Variants in GABRB1 observed in about 807,000 individuals in gnomAD.
GABRB1 encodes the protein gamma-aminobutyric acid type A receptor subunit beta1.
GABRB1 carries 17 observed loss-of-function variants against 51.6 expected under a neutral mutation model. That is an observed-to-expected ratio of 0.33 (90% CI 0.23 to 0.49). The LOEUF is 0.49. Among genes scored for constraint, GABRB1 ranks in the 20% least tolerant of loss-of-function variants. GABRB1 has a pLI of 0.99. For missense variants in GABRB1, 410 were observed against 600.6 expected, an observed-to-expected ratio of 0.68 and a Z score of 3.32; for synonymous variants, 247 against 218.9, an observed-to-expected ratio of 1.13 and a Z score of -1.14.
intron 3 of GABRB1, among the ~76,000 whole-genome samples, chr4:47,108,149 C>T (rs1351111857): frequency 3.3e-5 from 5 of 152,034 alleles, no homozygotes; most frequent in Non-Finnish European, 5.9e-5. Flanking sequence ...CTACCACCCA[C>T]AATCGGAATC....
chr4:47,106,894 G>C (rs572066913), intron 3 of GABRB1, among the ~76,000 whole-genome samples: 15 of 152,172 alleles, frequency 9.9e-5, no homozygotes, highest in Admixed American at 2.6e-4. Flanking sequence ...GCCTAGCCCT[G>C]TTCTGAACAG....
At chr4:47,032,605 G>A in intron 3 of GABRB1, 121 bp downstream of exon 3, 2 of 930,384 alleles carry the variant, frequency 2.1e-6, no homozygotes, top group East Asian at 2.5e-5. Context: ...GTCCCACTCC[G>A]CACCCGCTCC....
chr4:47,311,262 A>AC (rs61228119), intron 4 of GABRB1, among the ~76,000 whole-genome samples: 1 of 150,138 alleles, frequency 6.7e-6, no homozygotes, highest in Admixed American at 6.6e-5. Flanking sequence ...AACAACAACA[A>AC]AATACCAAGC....
At chr4:47,001,181 C>G (rs933311822) in intron 1 of GABRB1, among the ~76,000 whole-genome samples, 2 of 152,058 alleles carry the variant, frequency 1.3e-5, no homozygotes, top group African/African-American at 4.8e-5. Context: ...CTCGCTCTGT[C>G]GCCCAGGCTG....
At chr4:47,171,305 A>AG (rs1718426835) in intron 4 of GABRB1, among the ~76,000 whole-genome samples, 1 of 152,094 alleles carries the variant, frequency 6.6e-6, no homozygotes, top group Non-Finnish European at 1.5e-5. Context: ...AAAGAATGTA[A>AG]GAAAAAAAGG....
At chr4:47,271,049 A>G (rs1722856988) in intron 4 of GABRB1, among the ~76,000 whole-genome samples, 1 of 152,204 alleles carries the variant, frequency 6.6e-6, no homozygotes, top group East Asian at 1.9e-4. Context: ...ATCAAGTTGA[A>G]AATATAAAAT....
At chr4:47,235,474 G>A (rs903204547) in intron 4 of GABRB1, among the ~76,000 whole-genome samples, 1 of 151,948 alleles carries the variant, frequency 6.6e-6, no homozygotes, top group Non-Finnish European at 1.5e-5. Context: ...GCTTGAACCA[G>A]GGAGTCAGAC....
intron 3 of GABRB1, among the ~76,000 whole-genome samples, chr4:47,151,722 T>C (rs1158892982): frequency 1.3e-5 from 2 of 152,022 alleles, no homozygotes; most frequent in Non-Finnish European, 2.9e-5. Context: ...TTACAGAAAA[T>C]CTATTGTGTC....
chr4:47,216,762 C>T (rs1279799345), intron 4 of GABRB1, among the ~76,000 whole-genome samples: 3 of 151,876 alleles, frequency 2.0e-5, no homozygotes, highest in Non-Finnish European at 4.4e-5. Flanking sequence ...ATCTTGCATG[C>T]ATAGCGAAGT....
intron 5 of GABRB1, among the ~76,000 whole-genome samples, chr4:47,394,974 A>T (rs1353639722): frequency 1.3e-5 from 2 of 152,168 alleles, no homozygotes; most frequent in Non-Finnish European, 2.9e-5. Context: ...TGAGTTAAGT[A>T]GACAGACATA....
chr4:47,243,238 G>C lies in GABRB1; in HGVS notation c.462-76889G>C, dbSNP rs536393396. ...TCTGAGGGCTCTGCTCTGTTCCATTGGTCTATATCTCTGTTTTGGTAAAAA... is the reference window on the plus strand; with the variant it reads ...TCTGAGGGCTCTGCTCTGTTCCATTCGTCTATATCTCTGTTTTGGTAAAAA... On this transcript the variant is annotated intron_variant, in intron 4 of 8. Transcript: ENST00000295454. Among the ~76,000 whole-genome samples, 5 of 152,220 alleles carry C rather than the reference G, an allele frequency of 3.3e-5. No individual in the cohort carries two copies. In the South Asian group the frequency reaches 1.0e-3, roughly 32 times the overall value.
intron 3 of GABRB1, among the ~76,000 whole-genome samples, chr4:47,108,838 T>C (rs919988049): frequency 3.3e-5 from 5 of 151,998 alleles, no homozygotes; most frequent in African/African-American, 4.8e-5. Context: ...AAACAGATCA[T>C]GGAGAAAATA....
intron 4 of GABRB1, among the ~76,000 whole-genome samples, chr4:47,293,295 T>A (rs947630266): frequency 2.6e-5 from 4 of 152,004 alleles, no homozygotes; most frequent in Non-Finnish European, 5.9e-5. Context: ...GCATGTGCCA[T>A]AATGCTTGGC....
intron 4 of GABRB1, among the ~76,000 whole-genome samples, chr4:47,288,517 C>G (rs949516125): frequency 2.6e-5 from 4 of 152,106 alleles, no homozygotes; most frequent in African/African-American, 9.7e-5. Context: ...CCGCCTCAGC[C>G]TCCCAAAATG....
intron 5 of GABRB1, among the ~76,000 whole-genome samples, chr4:47,323,883 G>T (rs911961806): frequency 2.6e-5 from 4 of 152,148 alleles, no homozygotes; most frequent in Admixed American, 6.5e-5. Flanking sequence ...TAGCTCTGTA[G>T]CCCTGGGATG....
intron 3 of GABRB1, among the ~76,000 whole-genome samples, chr4:47,132,425 T>C (rs1206695259): frequency 1.7e-5 from 1 of 59,756 alleles, no homozygotes; most frequent in Non-Finnish European, 3.7e-5. Flanking sequence ...TGGTTTGGTT[T>C]GGTTTGGTTT....
At chr4:47,031,859 T>C in intron 1 of GABRB1, 55 bp from the exon 2 acceptor site, 3 of 1,547,970 alleles carry the variant, frequency 1.9e-6, no homozygotes, top group Non-Finnish European at 1.8e-6. Context: ...TATCTTTTTA[T>C]ATGTGCTCAC....
At chr4:47,342,386 G>A (rs962156074) in intron 5 of GABRB1, among the ~76,000 whole-genome samples, 1 of 131,616 alleles carries the variant, frequency 7.6e-6, no homozygotes, top group African/African-American at 2.7e-5. Context: ...AAAGACATGA[G>A]GCACCCCACA....
intron 3 of GABRB1, among the ~76,000 whole-genome samples, chr4:47,116,710 T>C (rs911140518): frequency 3.3e-5 from 5 of 152,178 alleles, no homozygotes; most frequent in Non-Finnish European, 7.3e-5. Context: ...GTACTTTTCT[T>C]TGGGCAAGTG....
Sources: allele counts gnomAD v4.1 joint callset (sites outside exome capture counted in the v4.1 genomes callset), GRCh38; gene constraint gnomAD v4.1.1; transcripts MANE v1.5; gene names NCBI Gene and HGNC (gene_info 2026-07-23, HGNC 2026-07-21).